Variants in PFKFB3 observed in about 807,000 individuals in gnomAD.
PFKFB3 encodes the protein 6-phosphofructo-2-kinase/fructose-2,6-bisphosphatase 3.
A neutral mutation model predicts 68.0 loss-of-function variants in PFKFB3; 33 were observed. The observed-to-expected ratio is 0.49, with a 90% CI of 0.37 to 0.65. PFKFB3 has a LOEUF of 0.65. Ranked by LOEUF, PFKFB3 falls within the 30% of genes least tolerant of loss-of-function variation. The pLI is 0.00. For synonymous variants in PFKFB3, 315 were observed against 288.2 expected, an observed-to-expected ratio of 1.09 and a Z score of -0.94; for missense variants, 586 against 712.2, an observed-to-expected ratio of 0.82 and a Z score of 2.02.
At chr10:6,307,410 T>G in the PFKFB3 span, among the ~76,000 whole-genome samples, 1 of 152,070 alleles carries the variant, frequency 6.6e-6, no homozygotes, top group African/African-American at 2.4e-5. Context: ...GCAATCAGGA[T>G]GTAGATGGCT....
chr10:6,296,923 C>A, the PFKFB3 span, among the ~76,000 whole-genome samples: 1 of 152,188 alleles, frequency 6.6e-6, no homozygotes, highest in Non-Finnish European at 1.5e-5. Flanking sequence ...AGGTTTCAGC[C>A]TCATTTTACC....
At chr10:6,317,872 A>G in the PFKFB3 span, among the ~76,000 whole-genome samples, 1 of 152,220 alleles carries the variant, frequency 6.6e-6, no homozygotes, top group Non-Finnish European at 1.5e-5. Flanking sequence ...TTGTGCGCAA[A>G]GACTGCGTAT....
the PFKFB3 span, among the ~76,000 whole-genome samples, chr10:6,276,564 C>T: frequency 1.4e-4 from 22 of 152,220 alleles, no homozygotes; most frequent in East Asian, 3.1e-3. Context: ...CAATGAACTT[C>T]GCTTTCTCTG....
At chr10:6,212,683 A>G (rs1844307755) in intron 1 of PFKFB3, among the ~76,000 whole-genome samples, 1 of 152,170 alleles carries the variant, frequency 6.6e-6, no homozygotes, top group Admixed American at 6.5e-5. Flanking sequence ...ATTTGTTTGT[A>G]GAGGCAGGGC....
chr10:6,189,168 A>T (rs1331044822), intron 1 of PFKFB3, among the ~76,000 whole-genome samples: 1 of 151,902 alleles, frequency 6.6e-6, no homozygotes, highest in Non-Finnish European at 1.5e-5. Context: ...CTAATATTCA[A>T]TTGTCTGTAA....
At chr10:6,232,619 G>A (rs896418429) in intron 14 of PFKFB3, among the ~76,000 whole-genome samples, 6 of 152,000 alleles carry the variant, frequency 3.9e-5, no homozygotes, top group Admixed American at 6.6e-5. Flanking sequence ...CGCAGCTCAC[G>A]GTCCTCCAGG....
chr10:6,256,155 C>T (rs894574676), downstream of PFKFB3, among the ~76,000 whole-genome samples: 4 of 152,174 alleles, frequency 2.6e-5, no homozygotes, highest in African/African-American at 9.7e-5. Context: ...GGGCCTGTGC[C>T]CTTTGAACCC....
At position 6,183,833 on chromosome 10, in the gene PFKFB3, A is replaced by C. The variant is rs1400807525; in HGVS notation, c.17-29790A>C. 2.0e-5 allele frequency among the ~76,000 whole-genome samples: 3 copies of C among 150,892 alleles called. No individual in the cohort carries two copies. The East Asian group carries it at 5.9e-4, about 30-fold the overall frequency. On this transcript the variant is annotated intron_variant, in intron 1 of 14. Transcript: ENST00000379789. ...CTCCCAAGTAGTTGGGACTACAGAC[A>C]ACTGCCACCACGCCCGGCTAATTTT...
chr10:6,166,340 G>A (rs1337561354), intron 1 of PFKFB3, among the ~76,000 whole-genome samples: 1 of 151,702 alleles, frequency 6.6e-6, no homozygotes, highest in Non-Finnish European at 1.5e-5. Flanking sequence ...TGATCCACCC[G>A]CCTTAGGCTC....
chr10:6,179,479 G>A (rs1340778265), intron 1 of PFKFB3, among the ~76,000 whole-genome samples: 3 of 152,234 alleles, frequency 2.0e-5, no homozygotes, highest in Admixed American at 2.0e-4. Flanking sequence ...CAGGAATGGA[G>A]CATGGGGGAG....
At chr10:6,280,135 T>C in the PFKFB3 span, among the ~76,000 whole-genome samples, 1 of 152,218 alleles carries the variant, frequency 6.6e-6, no homozygotes, top group Non-Finnish European at 1.5e-5. Flanking sequence ...AGACATTCTC[T>C]TCATCAATCA....
the PFKFB3 span, among the ~76,000 whole-genome samples, chr10:6,280,709 C>T: frequency 3.3e-5 from 5 of 152,074 alleles, no homozygotes; most frequent in South Asian, 2.1e-4. Flanking sequence ...CAGAAGTCAG[C>T]GTCCCTGGTT....
At chr10:6,267,445 G>T in the PFKFB3 span, among the ~76,000 whole-genome samples, 1 of 152,146 alleles carries the variant, frequency 6.6e-6, no homozygotes, top group Non-Finnish European at 1.5e-5. Context: ...TCAGGATGAG[G>T]CTCCTTAGTG....
At position 6,205,966 on chromosome 10, in the gene PFKFB3, T is replaced by TA. The variant is rs941775083; in HGVS notation, c.76+2638dup. Among the ~76,000 whole-genome samples, 313 of 69,758 alleles carry TA rather than the reference T, an allele frequency of 4.5e-3. 3 individuals carry two copies. Among genetic ancestry groups the TA allele is most frequent in the East Asian group, 0.014 (43 of 3,178 alleles). 45.8% of individuals were successfully genotyped at this position (69,758 alleles called of 152,430 possible). Reference sequence around the variant, plus strand: ...GTGTGCACCACCACACCCGGCTAATTAAAAAAAATTTTTTTTTTTTTTTAA... The same window carrying TA: ...GTGTGCACCACCACACCCGGCTAATTAAAAAAAAATTTTTTTTTTTTTTTAA... On this transcript the variant is annotated intron_variant, in intron 1 of 14. Coordinates refer to ENST00000379775, the MANE Select transcript of PFKFB3 (RefSeq NM_004566.4).
At chr10:6,148,049 C>A (rs1841453373) in intron 1 of PFKFB3, among the ~76,000 whole-genome samples, 1 of 152,244 alleles carries the variant, frequency 6.6e-6, no homozygotes, top group African/African-American at 2.4e-5. Flanking sequence ...GGCATTCATT[C>A]ATTCTCTAGA....
intron 14 of PFKFB3, among the ~76,000 whole-genome samples, chr10:6,251,290 A>G (rs1846375729): frequency 6.6e-6 from 1 of 152,174 alleles, no homozygotes; most frequent in African/African-American, 2.4e-5. Flanking sequence ...CCAGCCACCC[A>G]CCTGCCCATC....
chr10:6,200,060 C>G (rs775186564), upstream of PFKFB3, among the ~76,000 whole-genome samples: 52 of 152,104 alleles, frequency 3.4e-4, no homozygotes, highest in Non-Finnish European at 1.3e-4. Flanking sequence ...AAAACCCCAG[C>G]AAACTCTGCT....
In PFKFB3 at chr10:6,226,311, G is replaced by A. The variant is rs146509899; in HGVS notation, c.1461G>A (p.Ser487=). The change falls in exon 14 of 15, where the codon TCG becomes TCA. Residue 487 remains serine, a synonymous_variant. Coordinates refer to ENST00000379775, the MANE Select transcript of PFKFB3 (RefSeq NM_004566.4). ...TTGAGGAGCATGTGGCCTCCACCTC[G>A]GCCGCCCTGCCCAGCTGCCTGCCCC... ...NSFEEHVAST[S]AALPSCLPPE... 51 of 1,613,948 alleles carry A rather than the reference G, an allele frequency of 3.2e-5. No homozygotes were observed. The South Asian group carries it at 4.4e-4, about 14-fold the overall frequency.
At chr10:6,177,404 C>CTTTCTTTCTTTCTTCTTTCTTTCTTTT in intron 1 of PFKFB3, among the ~76,000 whole-genome samples, 1 of 135,786 alleles carries the variant, frequency 7.4e-6, no homozygotes, top group Non-Finnish European at 1.6e-5. Context: ...TTCTTTCTTT[C>CTTTCTTTCTTTCTTCTTTCTTTCTTTT]TTTCTTCTTT....
Sources: allele counts gnomAD v4.1 joint callset (sites outside exome capture counted in the v4.1 genomes callset), GRCh38; gene constraint gnomAD v4.1.1; transcripts MANE v1.5; gene names NCBI Gene and HGNC (gene_info 2026-07-23, HGNC 2026-07-21).